AOPEP: variants seen among roughly 807,000 people sequenced by gnomAD.
AOPEP encodes aminopeptidase O (putative).
A neutral mutation model predicts 98.1 loss-of-function variants in AOPEP; 77 were observed. The observed-to-expected ratio is 0.78, with a 90% CI of 0.65 to 0.95. The LOEUF is 0.95. Among genes scored for constraint, AOPEP ranks in the 40% least tolerant of loss-of-function variants. AOPEP has a pLI of 0.00. For missense variants in AOPEP, 1,024 were observed against 1,024.7 expected (o/e 1.00, Z 0.01); for synonymous variants, 346 against 365.3 (o/e 0.95, Z 0.60).
Position 95,076,457 on chromosome 9 carries a change from C to T in AOPEP, c.2233-4237C>T, listed in dbSNP as rs994020389. ...AACTTGTGTCTATCTGTCAGGGTCT[C>T]GCTAATCTTAGCATTATTTGTAGTA... On this transcript the variant is annotated intron_variant, in intron 14 of 16. Transcript: ENST00000375315. Among the ~76,000 whole-genome samples, 6 of 152,126 alleles carry T rather than the reference C, an allele frequency of 3.9e-5. No individual in the cohort carries two copies. In the East Asian group the frequency reaches 9.6e-4, roughly 24 times the overall value.
Position 94,915,495 on chromosome 9 carries a change from C to T in AOPEP, c.1365-8491C>T, listed in dbSNP as rs185569697. 2.8e-4 allele frequency among the ~76,000 whole-genome samples: 43 copies of T among 152,076 alleles called. No individual in the cohort carries two copies. In the East Asian group the frequency reaches 6.8e-3, roughly 24 times the overall value. On this transcript the variant is annotated intron_variant, in intron 5 of 16. Transcript: ENST00000375315. ...CTTTGAAATCTGGTTGACAGTATGG[C>T]GGTCTGGCAGGGAACCCGCTCTTGC...
intron 13 of AOPEP, among the ~76,000 whole-genome samples, chr9:95,024,189 C>T (rs1161334749): frequency 6.6e-6 from 1 of 152,178 alleles, no homozygotes; most frequent in Non-Finnish European, 1.5e-5. Context: ...TTGTTTTTCC[C>T]CACCTGATCC....
intron 5 of AOPEP, among the ~76,000 whole-genome samples, chr9:94,810,592 G>T (rs1230987413): frequency 1.3e-5 from 2 of 152,096 alleles, no homozygotes; most frequent in African/African-American, 4.8e-5. Flanking sequence ...TGGGATTACA[G>T]GCGTCAGCCA....
chr9:94,832,954 GAC>G (rs1261919498), intron 5 of AOPEP, among the ~76,000 whole-genome samples: 1 of 143,230 alleles, frequency 7.0e-6, no homozygotes, highest in Non-Finnish European at 1.5e-5. Flanking sequence ...TTTTTTTGGT[GAC>G]AGAGTCTCGC....
the AOPEP span, chr9:95,114,737 G>C: frequency 6.3e-7 from 1 of 1,598,144 alleles, no homozygotes; most frequent in Non-Finnish European, 8.6e-7. Context: ...ATACGTCAGA[G>C]GGCAACTGAG....
chr9:94,993,289 T>G (rs2061007322), intron 11 of AOPEP, among the ~76,000 whole-genome samples: 1 of 152,204 alleles, frequency 6.6e-6, no homozygotes, highest in Admixed American at 6.5e-5. Context: ...GCCCGTTGCC[T>G]AAATAACCTT....
chr9:95,005,429 G>A, intron 12 of AOPEP, 113 bp from the exon 13 acceptor site: 1 of 1,132,938 alleles, frequency 8.8e-7, no homozygotes, highest in East Asian at 2.4e-5. Flanking sequence ...GTGGCCTCCC[G>A]AGGTGCGGGG....
chr9:95,041,255 T>C (rs1343795768), intron 13 of AOPEP, among the ~76,000 whole-genome samples: 2 of 152,142 alleles, frequency 1.3e-5, no homozygotes, highest in East Asian at 1.9e-4. Context: ...GACTCCTTTG[T>C]AGCAAGAGTG....
At chr9:94,931,763 C>T (rs2055347838) in intron 7 of AOPEP, 3 of 1,550,284 alleles carry the variant, frequency 1.9e-6, no homozygotes, top group Non-Finnish European at 1.7e-6. Context: ...GAGATCTTTG[C>T]CACACTGTTC....
chr9:94,861,413 T>TA (rs2044971120), intron 5 of AOPEP, among the ~76,000 whole-genome samples: 1 of 152,212 alleles, frequency 6.6e-6, no homozygotes, highest in Admixed American at 6.5e-5. Context: ...CTTTCCTGTG[T>TA]ATTCATCTGT....
intron 9 of AOPEP, among the ~76,000 whole-genome samples, chr9:94,964,839 C>G (rs1360541327): frequency 6.6e-6 from 1 of 151,982 alleles, no homozygotes; most frequent in African/African-American, 2.4e-5. Flanking sequence ...CGGGGTTTCA[C>G]TATGTTGGCC....
intron 13 of AOPEP, among the ~76,000 whole-genome samples, chr9:95,010,105 A>G (rs1314453482): frequency 4.3e-4 from 65 of 152,128 alleles, no homozygotes; most frequent in African/African-American, 1.9e-4. Context: ...ATAAAATCCA[A>G]TTTGGTTTAT....
In AOPEP at chr9:95,041,446, G is replaced by GGGTGTGT. The variant is rs1554813291; in HGVS notation, c.2116-19247_2116-19246insGTGTGTG. 5.7e-4 allele frequency among the ~76,000 whole-genome samples: 81 copies of GGGTGTGT among 142,106 alleles called. No homozygotes were observed. In the South Asian group the frequency reaches 0.014, roughly 24 times the overall value. 93.2% of individuals were successfully genotyped at this position (142,106 alleles called of 152,430 possible). ...ATACTGTGTACTCAGAGTCCTTGGG[G>GGGTGTGT]GTGTGTGTGTGTGTGTGTGTGTGTG... On this transcript the variant is annotated intron_variant, in intron 13 of 16. Transcript: ENST00000375315.
chr9:94,731,790 C>CTTTTTTTTT (rs564831468), intron 1 of AOPEP, among the ~76,000 whole-genome samples: 35 of 86,274 alleles, frequency 4.1e-4, no homozygotes, highest in South Asian at 9.8e-4. Context: ...TCTCTTTTGC[C>CTTTTTTTTT]TTTTTTTTTT....
chr9:94,829,480 C>T (rs903696460), intron 5 of AOPEP, among the ~76,000 whole-genome samples: 5 of 152,174 alleles, frequency 3.3e-5, no homozygotes, highest in African/African-American at 1.2e-4. Flanking sequence ...TGATATATCT[C>T]TGGAAAGAGA....
intron 5 of AOPEP, among the ~76,000 whole-genome samples, chr9:94,906,484 A>ATAATAATAATAATAAT (rs201137956): frequency 1.3e-5 from 1 of 79,764 alleles, no homozygotes; most frequent in Non-Finnish European, 4.3e-5. Context: ...AATAATAATA[A>ATAATAATAATAATAAT]AAAAACAGAC....
chr9:94,900,273 T>C (rs1356501039), intron 5 of AOPEP, among the ~76,000 whole-genome samples: 1 of 152,354 alleles, frequency 6.6e-6, no homozygotes, highest in East Asian at 1.9e-4. Flanking sequence ...GATTTATGAA[T>C]ATTGTAACCT....
At chr9:95,107,442 G>GC in the AOPEP span, 4 of 696,772 alleles carry the variant, frequency 5.7e-6, no homozygotes, top group East Asian at 1.1e-4. Flanking sequence ...ACCCAAATGG[G>GC]CGGAATGGAA....
chr9:94,879,796 A>G (rs1243800170), intron 5 of AOPEP, among the ~76,000 whole-genome samples: 1 of 152,246 alleles, frequency 6.6e-6, no homozygotes, highest in Non-Finnish European at 1.5e-5. Context: ...TGGTAAATCA[A>G]ACATTGGTTG....
Sources: allele counts gnomAD v4.1 joint callset (sites outside exome capture counted in the v4.1 genomes callset), GRCh38; gene constraint gnomAD v4.1.1; transcripts MANE v1.5; gene names NCBI Gene and HGNC (gene_info 2026-07-23, HGNC 2026-07-21).